ESPN: variants seen among roughly 807,000 people sequenced by gnomAD.
The protein encoded by ESPN is autosomal recessive deafness type 36 protein.
In ESPN, 68 loss-of-function variants were observed where a neutral mutation model predicts 77.7. The ratio of observed to expected loss-of-function variants is 0.87; its 90% CI spans 0.72 to 1.07. The LOEUF is 1.07. Among genes scored for constraint, ESPN ranks in the 50% least tolerant of loss-of-function variants. The pLI is 0.00. For synonymous variants in ESPN, 449 were observed against 567.1 expected (o/e 0.79, Z 2.96); for missense variants, 1,060 against 1,239.0 (o/e 0.86, Z 2.17).
chr1:6,451,754 C>T lies in ESPN; in HGVS notation c.2061+6C>T, dbSNP rs755511480. On this transcript the variant is annotated splice_donor_region_variant and intron_variant, in intron 9 of 12. Transcript: ENST00000645284. This position sits in a 1 kb window ranked among gnomAD's most constrained non-coding sequence, Gnocchi z 4.3. ...TCGGGCAGCCGGCCTTCCAGGTAGG[C>T]GGGCCCAGCAGGAGCCTGCGACCCG... 7.4e-6 allele frequency: 12 copies of T among 1,611,466 alleles called. No individual in the cohort carries two copies. Among genetic ancestry groups the T allele is most frequent in the South Asian group, 4.4e-5 (4 of 90,784 alleles).
intron 2 of ESPN, among the ~76,000 whole-genome samples, chr1:6,435,346 C>T (rs1643398514): frequency 6.6e-6 from 1 of 152,216 alleles, no homozygotes; most frequent in South Asian, 2.1e-4. Flanking sequence ...ATGGGCAGCT[C>T]ACTCCCTGCG....
chr1:6,436,728 A>G (rs1472043353), intron 2 of ESPN, among the ~76,000 whole-genome samples: 2 of 152,052 alleles, frequency 1.3e-5, no homozygotes, highest in African/African-American at 4.8e-5. Flanking sequence ...GCTGGTCTCG[A>G]ACTCCTAGGC....
rs767591704 is a variant in ESPN, at chr1:6,460,108, C to G, written c.2527C>G (p.Gln843Glu). Residue 843 changes from glutamine to glutamate, a missense_variant, in exon 13 of 13, where the codon CAG becomes GAG. Transcript: ENST00000645284. Reference sequence around the variant, plus strand: ...GAGCAAGCTGGCGCCCTGGCAGCGACAGGTCATCCTGAAGAAGGGGGACAT... The same window carrying G: ...GAGCAAGCTGGCGCCCTGGCAGCGAGAGGTCATCCTGAAGAAGGGGGACAT... Reference protein sequence around the residue: ...DESKLAPWQRQVILKKGDIAK... With the variant: ...DESKLAPWQREVILKKGDIAK... 2.5e-6 allele frequency: 4 copies of G among 1,613,036 alleles called. No individual in the cohort carries two copies. The African/African-American group carries it at 5.3e-5, about 22-fold the overall frequency.
chr1:6,441,504 G>A lies in ESPN; in HGVS notation c.990+439G>A, dbSNP rs1428390612. On this transcript the variant is annotated intron_variant, in intron 5 of 12. Coordinates refer to ENST00000645284, the MANE Select transcript of ESPN (RefSeq NM_031475.3). ...AGTGGAGAACCTACCTTGATGGCCT[G>A]GCCAGGAGGCACCTCTCAGCCCCTG... 1.1e-4 allele frequency among the ~76,000 whole-genome samples: 17 copies of A among 152,048 alleles called. 1 individual carries two copies. The highest frequency in any genetic ancestry group is 1.1e-3 in the Admixed American group (17 of 15,276).
rs1643935198 is a variant in ESPN, at chr1:6,451,044, C to T, written c.1916-559C>T. Among the ~76,000 whole-genome samples, 2 of 152,210 alleles carry T rather than the reference C, an allele frequency of 1.3e-5. No individual in the cohort carries two copies. The highest frequency in any genetic ancestry group is 1.3e-4 in the Admixed American group (2 of 15,286). On this transcript the variant is annotated intron_variant, in intron 8 of 12. Transcript: ENST00000645284. This position sits in a 1 kb window ranked among gnomAD's most constrained non-coding sequence, Gnocchi z 4.3. ...TTGCCATAAAGGTGCTCCCGGCTTGCAACCAATGTGTCTGCTTGTGCATCT... is the reference window on the plus strand; with the variant it reads ...TTGCCATAAAGGTGCTCCCGGCTTGTAACCAATGTGTCTGCTTGTGCATCT...
chr1:6,460,242 C>A lies in ESPN; in HGVS notation c.*96C>A. 2.0e-6 allele frequency: 3 copies of A among 1,478,560 alleles called. No homozygotes were observed. Among genetic ancestry groups the A allele is most frequent in the Non-Finnish European group, 2.8e-6 (3 of 1,089,952 alleles). 91.6% of individuals were successfully genotyped at this position (1,478,560 alleles called of 1,614,324 possible). ...CCTGGTGGAAAGGCTGGGAGCCGCA[C>A]AGCCCTCCCCTCCTGCGCTGGAAAC... On this transcript the variant is annotated 3_prime_UTR_variant, in exon 13 of 13. Coordinates refer to ENST00000645284, the MANE Select transcript of ESPN (RefSeq NM_031475.3).
rs1406576474 is a variant in ESPN, at chr1:6,428,263, C to T, written c.332C>T (p.Ala111Val). 1 of 1,613,584 alleles carries T rather than the reference C, an allele frequency of 6.2e-7. No individual in the cohort carries two copies. The highest frequency in any genetic ancestry group is 2.2e-5 in the East Asian group (1 of 44,870). ...DNSGATVLHL[A>V]ARFGHPEVVN... is the part of the protein sequence containing the mutation. The stretch of plus-strand genomic sequence containing the variant: ...TCTGGTGCCACAGTCTTGCATCTGG[C>T]TGCCCGCTTCGGCCACCCCGAGGTG... The change falls in exon 2 of 13, where the codon GCT (alanine) becomes GTT (valine). Residue 111 changes from alanine (A) to valine (V), a missense_variant. Ala to Val is a moderately conservative substitution (Grantham distance 64). Around this residue, in one of 3 missense-constraint regions of ESPN, gnomAD observed 556 missense variants for 633.6 expected, o/e 0.88. Transcript: ENST00000645284. This position sits in a 1 kb window ranked among gnomAD's most constrained non-coding sequence, Gnocchi z 5.4.
In ESPN at chr1:6,452,082, G is replaced by A; in HGVS notation, c.2311G>A (p.Glu771Lys). ...GCAGCTGAAGATGCAGGAGGAGGAGGAGCAGAGGCGGAAGGTGGGTGGGGC... is the reference window on the plus strand; with the variant it reads ...GCAGCTGAAGATGCAGGAGGAGGAGAAGCAGAGGCGGAAGGTGGGTGGGGC... ...KMQLKMQEEE[E>K]QRRKEEEEEA... The change falls in exon 10 of 13, where the codon GAG (glutamate) becomes AAG (lysine). Residue 771 changes from glutamate (E) to lysine (K), a missense_variant. This residue lies in a region of ESPN where 374 missense variants were observed against 381.4 expected (regional missense o/e 0.98). Coordinates refer to ENST00000645284, the MANE Select transcript of ESPN (RefSeq NM_031475.3). The A allele has an allele frequency of 3.2e-6, 5 of 1,549,320 alleles. No individual in the cohort carries two copies. The highest frequency in any genetic ancestry group is 4.4e-6 in the Non-Finnish European group (5 of 1,147,540).
Position 6,424,887 on chromosome 1 carries a change from C to A in ESPN, c.-69C>A. ...GGCCGCACCGCGGGCTCCTCTGGCC[C>A]GCAAGAACACGTGCATGGCGTCCTG... On this transcript the variant is annotated 5_prime_UTR_variant, in exon 1 of 13. Transcript: ENST00000645284. 3 of 1,344,318 alleles carry A rather than the reference C, an allele frequency of 2.2e-6. No individual in the cohort carries two copies. The highest frequency in any genetic ancestry group is 9.6e-7 in the Non-Finnish European group (1 of 1,046,902). The allele number at this position is 1,344,318 out of a possible 1,614,324, so 83.3% of individuals were successfully genotyped here.
rs1490675674 is a variant in ESPN, at chr1:6,457,343, G to A, written c.2406-18G>A. On this transcript the variant is annotated intron_variant, in intron 11 of 12. Transcript: ENST00000645284. The stretch of plus-strand genomic sequence containing the variant: ...TGAGGTGGAGGTACCAAGTGACACT[G>A]TCTCTTTTTCCTTCCAGGGAGCAGA... 6.2e-7 allele frequency: 1 copy of A among 1,614,110 alleles called. No individual in the cohort carries two copies. The highest frequency in any genetic ancestry group is 1.3e-5 in the African/African-American group (1 of 74,936).
intron 2 of ESPN, among the ~76,000 whole-genome samples, chr1:6,434,645 T>G (rs1394284754): frequency 6.6e-6 from 1 of 152,156 alleles, no homozygotes; most frequent in Admixed American, 6.5e-5. Flanking sequence ...CTTCTCATAT[T>G]TATTCATTCA....
chr1:6,432,713 C>T (rs549475604), intron 2 of ESPN, among the ~76,000 whole-genome samples: 4 of 152,346 alleles, frequency 2.6e-5, no homozygotes, highest in Admixed American at 6.5e-5. Context: ...CTCAGCTGGG[C>T]CATGGGAGCA....
At chr1:6,455,808 C>T (rs764620825) in intron 10 of ESPN, 456 of 398,962 alleles carry the variant, frequency 1.1e-3, no homozygotes, top group Non-Finnish European at 1.7e-3. Context: ...GGAGGCCGGC[C>T]GGCGCGGCTG....
intron 5 of ESPN, among the ~76,000 whole-genome samples, chr1:6,441,300 G>A (rs1249557584): frequency 6.6e-6 from 1 of 152,198 alleles, no homozygotes; most frequent in African/African-American, 2.4e-5. Flanking sequence ...GGGTAAGGCT[G>A]GAGAAATCAC....
chr1:6,433,072 A>G (rs1418579703), intron 2 of ESPN, among the ~76,000 whole-genome samples: 1 of 151,644 alleles, frequency 6.6e-6, no homozygotes, highest in East Asian at 1.9e-4. Context: ...CAGTGAGCCA[A>G]GATCGCACCA....
In ESPN at chr1:6,425,148, G is replaced by T. The variant is rs1169135553; in HGVS notation, c.193G>T (p.Ala65Ser). 6.6e-7 allele frequency: 1 copy of T among 1,512,522 alleles called. No individual in the cohort carries two copies. Among genetic ancestry groups the T allele is most frequent in the Non-Finnish European group, 8.8e-7 (1 of 1,138,350 alleles). 93.7% of individuals were successfully genotyped at this position (1,512,522 alleles called of 1,614,324 possible). Residue 65 changes from alanine (A) to serine (S), a missense_variant, in exon 1 of 13, where the codon GCC becomes TCC. This residue lies in a region of ESPN where 556 missense variants were observed against 633.6 expected (regional missense o/e 0.88). Coordinates refer to ENST00000645284, the MANE Select transcript of ESPN (RefSeq NM_031475.3). ...GGAGGAAGCCGCCCTCCCCGCCGCG[G>T]CCCGCGCCCGCAACGGCGCCACACC... ...LVEEAALPAA[A>S]RARNGATPAH... is the part of the protein sequence containing the mutation.
intron 10 of ESPN, chr1:6,454,760 G>C: frequency 2.5e-6 from 1 of 398,148 alleles, no homozygotes; most frequent in East Asian, 3.6e-5. Context: ...TCAAGAACAT[G>C]GCCACGCTGC....
Position 6,451,633 on chromosome 1 carries a change from C to T in ESPN, c.1946C>T (p.Thr649Met), listed in dbSNP as rs373536201. Residue 649 changes from threonine (T) to methionine (M), a missense_variant, in exon 9 of 13, where the codon ACG becomes ATG. Physicochemically the swap from Thr to Met is moderately conservative, Grantham distance 81. Transcript: ENST00000645284. The surrounding 1 kb of genome is among the most constrained non-coding windows in gnomAD (Gnocchi z 4.3). ...STKSFNMMSP[T>M]GDNSELLAEI... The stretch of plus-strand genomic sequence containing the variant: ...AAGTCTTTCAACATGATGTCCCCGA[C>T]GGGCGACAACTCGGAGCTACTGGCT... 1.6e-5 allele frequency: 26 copies of T among 1,613,078 alleles called. No homozygotes were observed. Among genetic ancestry groups the T allele is most frequent in the Middle Eastern group, 1.6e-4 (1 of 6,084 alleles).
intron 2 of ESPN, among the ~76,000 whole-genome samples, chr1:6,435,655 G>T (rs1643409543): frequency 6.6e-6 from 1 of 152,196 alleles, no homozygotes; most frequent in Non-Finnish European, 1.5e-5. Context: ...GGGTCTGGGA[G>T]TCAGAGGTCT....
Sources: allele counts gnomAD v4.1 joint callset (sites outside exome capture counted in the v4.1 genomes callset), GRCh38; gene constraint gnomAD v4.1.1; regional missense constraint gnomAD v4.1.1; non-coding constraint Gnocchi (gnomAD v3.1); transcripts MANE v1.5; gene names NCBI Gene and HGNC (gene_info 2026-07-23, HGNC 2026-07-21).